Variants in RIN3 observed in about 807,000 individuals in gnomAD.
RIN3 encodes the protein RAB5 interacting protein 3.
In RIN3, 54 loss-of-function variants were observed where a neutral mutation model predicts 76.3. The ratio of observed to expected loss-of-function variants is 0.71; its 90% CI spans 0.57 to 0.89. RIN3 has a LOEUF of 0.89. RIN3 is among the 40% of genes least tolerant of loss of function. The pLI is 0.00. For synonymous variants in RIN3, 576 were observed against 564.0 expected, an observed-to-expected ratio of 1.02 and a Z score of -0.30; for missense variants, 1,256 against 1,322.1, an observed-to-expected ratio of 0.95 and a Z score of 0.78.
intron 1 of RIN3, among the ~76,000 whole-genome samples, chr14:92,554,779 C>T (rs774729788): frequency 2.6e-5 from 4 of 151,994 alleles, no homozygotes; most frequent in South Asian, 2.1e-4. Flanking sequence ...AAAAATTAGC[C>T]GGGCATGGTG....
chr14:92,677,834 A>G (rs1429200184), intron 8 of RIN3, among the ~76,000 whole-genome samples: 4 of 150,252 alleles, frequency 2.7e-5, no homozygotes, highest in Admixed American at 2.7e-4. Context: ...CCACCTACCC[A>G]CCCATCTACC....
intron 2 of RIN3, among the ~76,000 whole-genome samples, chr14:92,563,638 A>AAT (rs1897839623): frequency 1.3e-5 from 2 of 151,662 alleles, no homozygotes; most frequent in Non-Finnish European, 2.9e-5. Context: ...TTTAAAAAAA[A>AAT]CAGTGTCTTG....
At chr14:92,521,601 C>T (rs1202978181) in intron 1 of RIN3, among the ~76,000 whole-genome samples, 1 of 152,154 alleles carries the variant, frequency 6.6e-6, no homozygotes, top group Non-Finnish European at 1.5e-5. Flanking sequence ...TGTGACATAC[C>T]TGCTCCCCCT....
At chr14:92,532,973 C>T (rs911312701) in intron 1 of RIN3, among the ~76,000 whole-genome samples, 1 of 152,194 alleles carries the variant, frequency 6.6e-6, no homozygotes, top group Admixed American at 6.5e-5. Context: ...CCCGTGGAAG[C>T]TCCCAGGAGG....
chr14:92,585,036 T>G (rs1355642454), intron 3 of RIN3, among the ~76,000 whole-genome samples: 1 of 152,154 alleles, frequency 6.6e-6, no homozygotes, highest in African/African-American at 2.4e-5. Context: ...AGACAGAGTC[T>G]TGTTCTGTTG....
At chr14:92,560,935 A>C (rs1595416157) in intron 2 of RIN3, among the ~76,000 whole-genome samples, 1 of 146,588 alleles carries the variant, frequency 6.8e-6, no homozygotes, top group Non-Finnish European at 1.5e-5. Context: ...CAGGAGAATC[A>C]CTTGAACCTG....
In RIN3 at chr14:92,654,023, G is replaced by GA. The variant is rs567341223; in HGVS notation, c.2026+955dup. 3.1e-3 allele frequency among the ~76,000 whole-genome samples: 468 copies of GA among 151,676 alleles called. 13 individuals carry two copies. The South Asian group carries it at 0.046, about 15-fold the overall frequency. On this transcript the variant is annotated intron_variant, in intron 6 of 9. Coordinates refer to ENST00000216487, the MANE Select transcript of RIN3 (RefSeq NM_024832.5). ...ACAGAGCGAAACCCTGTCTCAAAAA[G>GA]AAAAAAATAGCTGGGCGTGGTGGCT...
At position 92,687,974 on chromosome 14, in the gene RIN3, C is replaced by T. The variant is rs758401060; in HGVS notation, c.2680C>T (p.Leu894=). ...GGAGCCCGAGCAGCAGGCGCGGACG[C>T]TGGCGTCGCGGGCGGACACCCAGGC... ...YLEPEQQART[L]ASRADTQAQA... Residue 894 remains leucine (L), a synonymous_variant, in exon 10 of 10, where the codon CTG becomes TTG. Coordinates refer to ENST00000216487, the MANE Select transcript of RIN3 (RefSeq NM_024832.5). The T allele has an allele frequency of 1.3e-6, 2 of 1,559,688 alleles. No individual in the cohort carries two copies. The highest frequency in any genetic ancestry group is 2.3e-5 in the South Asian group (2 of 85,426).
At chr14:92,564,709 C>T (rs980600495) in intron 2 of RIN3, among the ~76,000 whole-genome samples, 1 of 152,164 alleles carries the variant, frequency 6.6e-6, no homozygotes, top group African/African-American at 2.4e-5. Flanking sequence ...ATCGAACTCT[C>T]ACAGTGGCAA....
At chr14:92,590,866 A>C (rs1884955299) in intron 3 of RIN3, among the ~76,000 whole-genome samples, 1 of 152,164 alleles carries the variant, frequency 6.6e-6, no homozygotes, top group Non-Finnish European at 1.5e-5. Flanking sequence ...ATACCTTCTC[A>C]TCATATCACT....
intron 1 of RIN3, among the ~76,000 whole-genome samples, chr14:92,552,867 T>G (rs991020577): frequency 6.6e-6 from 1 of 151,560 alleles, no homozygotes; most frequent in Non-Finnish European, 1.5e-5. Context: ...AGGTTTTGGG[T>G]TTTTTTTAAC....
intron 1 of RIN3, among the ~76,000 whole-genome samples, chr14:92,546,686 CG>C (rs1247251237): frequency 2.6e-5 from 4 of 150,950 alleles, no homozygotes; most frequent in Non-Finnish European, 5.9e-5. Context: ...TGATAGTGGG[CG>C]TAACTGTTTT....
At chr14:92,561,252 C>A (rs1342966137) in intron 2 of RIN3, among the ~76,000 whole-genome samples, 1 of 149,724 alleles carries the variant, frequency 6.7e-6, no homozygotes, top group Admixed American at 6.8e-5. Flanking sequence ...CTGCTGGCAC[C>A]GATGAAAGAC....
At chr14:92,558,885 T>G (rs960391037) in intron 2 of RIN3, among the ~76,000 whole-genome samples, 2 of 98,080 alleles carry the variant, frequency 2.0e-5, no homozygotes, top group African/African-American at 4.2e-5. Flanking sequence ...TTCTTTTCTT[T>G]TCTTTTTTTT....
At chr14:92,639,237 C>T (rs1210530760) in intron 4 of RIN3, among the ~76,000 whole-genome samples, 3 of 152,178 alleles carry the variant, frequency 2.0e-5, no homozygotes, top group African/African-American at 7.2e-5. Context: ...CATGAAGACC[C>T]CAGGGAGGAG....
Position 92,577,480 on chromosome 14 carries a change from A to G in RIN3, c.367+3A>G. The G allele has an allele frequency of 6.3e-7, 1 of 1,589,326 alleles. No individual in the cohort carries two copies. Among genetic ancestry groups the G allele is most frequent in the Non-Finnish European group, 8.6e-7 (1 of 1,158,318 alleles). On this transcript the variant is annotated splice_donor_region_variant and intron_variant, in intron 3 of 9. Coordinates refer to ENST00000216487, the MANE Select transcript of RIN3 (RefSeq NM_024832.5). ...CACCATTAAGGAAGAAAAGTCGAGT[A>G]AGTACCCATCTTCTCTGTTTTCACT...
intron 3 of RIN3, among the ~76,000 whole-genome samples, chr14:92,608,870 TATACAAAA>T (rs1186267184): frequency 6.6e-6 from 1 of 152,164 alleles, no homozygotes; most frequent in African/African-American, 2.4e-5. Flanking sequence ...TTTATTAAAT[TATACAAAA>T]AACTTGCATT....
At chr14:92,667,602 T>C (rs989426378) in intron 7 of RIN3, among the ~76,000 whole-genome samples, 1 of 152,226 alleles carries the variant, frequency 6.6e-6, no homozygotes, top group South Asian at 2.1e-4. Flanking sequence ...TGTTGGTGAA[T>C]TTCTTTCTAG....
chr14:92,619,171 TA>T (rs1445906323), intron 4 of RIN3, among the ~76,000 whole-genome samples: 1 of 152,206 alleles, frequency 6.6e-6, no homozygotes, highest in Non-Finnish European at 1.5e-5. Flanking sequence ...CTCATGTACC[TA>T]AACATGTCAA....
Sources: gnomAD v4.1 joint callset for allele counts (sites outside exome capture counted in the v4.1 genomes callset) on GRCh38, gnomAD v4.1.1 for gene constraint, MANE v1.5 for transcripts, NCBI Gene and HGNC (gene_info 2026-07-23, HGNC 2026-07-21) for gene names.